ABCA13: variants seen among roughly 807,000 people sequenced by gnomAD.
The protein encoded by ABCA13 is ATP-binding cassette sub-family A member 13.
ABCA13 carries 476 observed loss-of-function variants against 478.7 expected under a neutral mutation model. The ratio of observed to expected loss-of-function variants is 0.99; its 90% CI spans 0.92 to 1.07. The LOEUF is 1.07. Among genes scored for constraint, ABCA13 ranks in the 50% least tolerant of loss-of-function variants. ABCA13 has a pLI of 0.00. For missense variants in ABCA13, 6,060 were observed against 5,910.6 expected (o/e 1.03, Z -0.83); for synonymous variants, 2,252 against 2,158.9 (o/e 1.04, Z -1.20).
intron 59 of ABCA13, among the ~76,000 whole-genome samples, chr7:48,632,993 A>C (rs749894589): frequency 6.6e-6 from 1 of 152,162 alleles, no homozygotes; most frequent in Non-Finnish European, 1.5e-5. Context: ...CATAGGGATA[A>C]ATCTTCATGA....
chr7:48,278,373 T>C lies in ABCA13; in HGVS notation c.7179T>C (p.Phe2393=), dbSNP rs1796578280. Residue 2393 remains phenylalanine, a synonymous_variant, in exon 18 of 62, where the codon TTT becomes TTC. Coordinates refer to ENST00000435803, the MANE Select transcript of ABCA13 (RefSeq NM_152701.5). Reference sequence around the variant, plus strand: ...TTTTCACAGTGGTGAGTCAGTTGTTTTTCCATGTGAATAAGTCTGAGGACC... The same window carrying C: ...TTTTCACAGTGGTGAGTCAGTTGTTCTTCCATGTGAATAAGTCTGAGGACC... ...IDFFTVVSQL[F]FHVNKSEDLF... is the part of the protein sequence containing the mutation. 1.2e-6 allele frequency: 2 copies of C among 1,613,840 alleles called. No individual in the cohort carries two copies. Among genetic ancestry groups the C allele is most frequent in the Non-Finnish European group, 1.7e-6 (2 of 1,179,828 alleles).
rs201644209 is a variant in ABCA13 at position 48,427,747 on chromosome 7, G to GT, written c.12460-10dup. 2.7e-3 allele frequency: 3,875 copies of GT among 1,422,802 alleles called. No homozygotes were observed. Among genetic ancestry groups the GT allele is most frequent in the African/African-American group, 4.3e-3 (304 of 70,712 alleles). The allele number at this position is 1,422,802 out of a possible 1,614,324, so 88.1% of individuals were successfully genotyped here. The stretch of plus-strand genomic sequence containing the variant: ...ATAGAAACATAAAATAATACATGGC[G>GT]TTTTTTTTTCTCCGAAAGGTGTTTT... On this transcript the variant is annotated intron_variant, in intron 41 of 61. Coordinates refer to ENST00000435803, the MANE Select transcript of ABCA13 (RefSeq NM_152701.5).
At chr7:48,470,093 T>C (rs889591370) in intron 44 of ABCA13, among the ~76,000 whole-genome samples, 21 of 152,214 alleles carry the variant, frequency 1.4e-4, no homozygotes, top group African/African-American at 5.1e-4. Context: ...TAAGTCAAAG[T>C]GTATTTTTCG....
chr7:48,225,601 C>T (rs369140529), intron 5 of ABCA13, among the ~76,000 whole-genome samples: 17 of 152,196 alleles, frequency 1.1e-4, no homozygotes, highest in South Asian at 6.2e-4. Context: ...TGTTCTGGAA[C>T]GGTCTTTGTT....
chr7:48,509,731 C>G (rs571776568), intron 50 of ABCA13, among the ~76,000 whole-genome samples: 1 of 152,116 alleles, frequency 6.6e-6, no homozygotes, highest in African/African-American at 2.4e-5. Context: ...TCCAAGGTTG[C>G]TATAGACTAA....
At position 48,480,396 on chromosome 7, in the gene ABCA13, G is replaced by A. The variant is rs564863245; in HGVS notation, c.12976-640G>A. 6.6e-5 allele frequency among the ~76,000 whole-genome samples: 10 copies of A among 152,328 alleles called. No homozygotes were observed. In the South Asian group the frequency reaches 1.9e-3, roughly 28 times the overall value. On this transcript the variant is annotated intron_variant, in intron 45 of 61. Transcript: ENST00000435803. ...TGATAACAAAAGACTCAGAGACAGA[G>A]TCGTTTCCTATTTTAATATATCATC...
At chr7:48,578,842 A>G (rs1788433866) in intron 55 of ABCA13, among the ~76,000 whole-genome samples, 3 of 152,346 alleles carry the variant, frequency 2.0e-5, no homozygotes, top group South Asian at 4.1e-4. Flanking sequence ...ACATCAATAC[A>G]GTCAACTGAT....
chr7:48,526,294 T>C (rs984034470), intron 54 of ABCA13, among the ~76,000 whole-genome samples: 1 of 152,074 alleles, frequency 6.6e-6, no homozygotes, highest in Non-Finnish European at 1.5e-5. Flanking sequence ...GCCTTCACTT[T>C]GGGGTATTAT....
chr7:48,241,101 G>A (rs762601420), intron 10 of ABCA13, 35 bp downstream of exon 10: 2 of 1,608,762 alleles, frequency 1.2e-6, no homozygotes, highest in Non-Finnish European at 1.7e-6. Context: ...TATTGATTAG[G>A]TAGATGACAC....
At chr7:48,446,677 G>A (rs1824350462) in intron 42 of ABCA13, among the ~76,000 whole-genome samples, 1 of 147,406 alleles carries the variant, frequency 6.8e-6, no homozygotes, top group Non-Finnish European at 1.5e-5. Flanking sequence ...CCTCTTCAGA[G>A]GGCTGTTCCA....
In ABCA13 at chr7:48,543,372, C is replaced by G. The variant is rs1022435835; in HGVS notation, c.14354+15027C>G. Among the ~76,000 whole-genome samples, 12 of 151,702 alleles carry G rather than the reference C, an allele frequency of 7.9e-5. 1 individual carries two copies. Among genetic ancestry groups the G allele is most frequent in the African/African-American group, 2.7e-4 (11 of 41,368 alleles). Reference sequence around the variant, plus strand: ...GGCACGGTGGCTCACGCCTGTAATCCTAGCACTTTGGGAGGCCGAGGCAGG... The same window carrying G: ...GGCACGGTGGCTCACGCCTGTAATCGTAGCACTTTGGGAGGCCGAGGCAGG... On this transcript the variant is annotated intron_variant, in intron 55 of 61. Coordinates refer to ENST00000435803, the MANE Select transcript of ABCA13 (RefSeq NM_152701.5).
chr7:48,528,811 A>G (rs746016647), intron 55 of ABCA13, among the ~76,000 whole-genome samples: 1 of 152,080 alleles, frequency 6.6e-6, no homozygotes, highest in Non-Finnish European at 1.5e-5. Context: ...CAGTGAACAC[A>G]TTAAAAACCA....
intron 27 of ABCA13, among the ~76,000 whole-genome samples, chr7:48,333,741 C>A (rs1805778369): frequency 6.6e-6 from 1 of 152,186 alleles, no homozygotes; most frequent in South Asian, 2.1e-4. Flanking sequence ...AGTCCAGCTG[C>A]CTCCATGTTG....
At chr7:48,626,772 T>C (rs1432394205) in intron 59 of ABCA13, 2 of 985,398 alleles carry the variant, frequency 2.0e-6, no homozygotes, top group East Asian at 1.1e-4. Flanking sequence ...GTGATGTCTT[T>C]AGAGAAACAG....
At chr7:48,426,091 A>G (rs1821389503) in intron 41 of ABCA13, among the ~76,000 whole-genome samples, 2 of 152,212 alleles carry the variant, frequency 1.3e-5, no homozygotes, top group African/African-American at 4.8e-5. Flanking sequence ...AAGAGTGGTA[A>G]AATAATGTGT....
chr7:48,323,961 CATTT>C (rs1803917060), intron 27 of ABCA13, among the ~76,000 whole-genome samples: 1 of 152,186 alleles, frequency 6.6e-6, no homozygotes, highest in African/African-American at 2.4e-5. Context: ...CTTTGATCCT[CATTT>C]ATCTTCTGCC....
At chr7:48,551,128 T>A (rs1442662661) in intron 55 of ABCA13, among the ~76,000 whole-genome samples, 2 of 146,886 alleles carry the variant, frequency 1.4e-5, no homozygotes, top group Non-Finnish European at 3.0e-5. Context: ...TTTTCTGGAG[T>A]TTTTTGTTTG....
intron 7 of ABCA13, among the ~76,000 whole-genome samples, chr7:48,231,322 AG>A (rs1207560926): frequency 6.6e-6 from 1 of 152,128 alleles, no homozygotes; most frequent in Admixed American, 6.5e-5. Context: ...AACTTCAAGG[AG>A]GAGTTTTGAA....
intron 3 of ABCA13, among the ~76,000 whole-genome samples, chr7:48,211,118 CTTAG>C (rs774484458): frequency 4.6e-5 from 7 of 152,078 alleles, no homozygotes; most frequent in Non-Finnish European, 8.8e-5. Context: ...TCACTGATTA[CTTAG>C]TTTGTTTGGT....
Sources: allele counts gnomAD v4.1 joint callset (sites outside exome capture counted in the v4.1 genomes callset), GRCh38; gene constraint gnomAD v4.1.1; transcripts MANE v1.5; gene names NCBI Gene and HGNC (gene_info 2026-07-23, HGNC 2026-07-21).